PIKFYVE: variants seen among roughly 807,000 people sequenced by gnomAD.
PIKFYVE encodes 1-phosphatidylinositol 3-phosphate 5-kinase.
PIKFYVE carries 122 observed loss-of-function variants against 257.9 expected under a neutral mutation model. The observed-to-expected ratio is 0.47, with a 90% confidence interval of 0.41 to 0.55. The LOEUF (loss-of-function observed/expected upper bound fraction) is 0.55, where lower values mean the gene tolerates loss of function less well. Among genes scored for constraint, PIKFYVE ranks in the 20% least tolerant of loss-of-function variants. PIKFYVE has a pLI of 0.00. For synonymous variants in PIKFYVE, 892 were observed against 868.9 expected (o/e 1.03, Z -0.47); for missense variants, 2,160 against 2,536.6 (o/e 0.85, Z 3.19).
chr2:208,304,442 A>G (rs372320687), intron 11 of PIKFYVE, 124 bp downstream of exon 11: 12 of 1,262,940 alleles, frequency 9.5e-6, no homozygotes, highest in Admixed American at 3.7e-5. Flanking sequence ...AAATGGAAAC[A>G]TCTGATAGCA....
chr2:208,269,917 A>C, intron 1 of PIKFYVE: 1 of 267,660 alleles, frequency 3.7e-6, no homozygotes, highest in Non-Finnish European at 7.6e-6. Flanking sequence ...TTGGAGATGG[A>C]GGGCCCTGCT....
chr2:208,290,683 G>A (rs934567841), intron 7 of PIKFYVE, among the ~76,000 whole-genome samples: 2 of 152,130 alleles, frequency 1.3e-5, no homozygotes, highest in African/African-American at 4.8e-5. Flanking sequence ...ATTTTGTGAG[G>A]CACTGCTAGA....
chr2:208,266,207 G>T, upstream of PIKFYVE: 1 of 149,776 alleles, frequency 6.7e-6, no homozygotes, highest in Non-Finnish European at 1.5e-5. Context: ...GAAAGATTTC[G>T]GACTGGGGGA....
intron 15 of PIKFYVE, among the ~76,000 whole-genome samples, chr2:208,315,618 G>A (rs1695416607): frequency 6.6e-6 from 1 of 152,164 alleles, no homozygotes; most frequent in Non-Finnish European, 1.5e-5. Context: ...AACAGAGATA[G>A]GTTCTTCCTT....
chr2:208,308,412 A>G (rs10208996), intron 12 of PIKFYVE, among the ~76,000 whole-genome samples: 16 of 146,924 alleles, frequency 1.1e-4, no homozygotes, highest in Non-Finnish European at 2.0e-4. Context: ...AAAAAAAAAG[A>G]AAAAAAATTC....
chr2:208,285,964 A>C (rs1440671467), intron 6 of PIKFYVE, 31 bp downstream of exon 6: 1 of 1,592,174 alleles, frequency 6.3e-7, no homozygotes, highest in Non-Finnish European at 8.6e-7. Flanking sequence ...TTTTATTTAG[A>C]GTTGAAAAAT....
intron 9 of PIKFYVE, 26 bp from the exon 10 acceptor site, chr2:208,302,214 CTT>C (rs765365052): frequency 4.4e-5 from 71 of 1,601,530 alleles, no homozygotes; most frequent in Middle Eastern, 1.7e-4. Flanking sequence ...ACTTTTAAAA[CTT>C]TTCATTTTTG....
intron 18 of PIKFYVE, 23 bp downstream of exon 18, chr2:208,324,305 T>A: frequency 6.2e-7 from 1 of 1,609,728 alleles, no homozygotes; most frequent in Non-Finnish European, 8.5e-7. Context: ...AATTTTCTAT[T>A]GTATTTTAAA....
chr2:208,348,031 A>G lies in PIKFYVE; in HGVS notation c.5374+8A>G. Reference sequence around the variant, plus strand: ...AAGGCGTTGAGCCTCAAGGTGTGTTAAAGAAGAGTAAATGTGCTTATTCTA... The same window carrying G: ...AAGGCGTTGAGCCTCAAGGTGTGTTGAAGAAGAGTAAATGTGCTTATTCTA... On this transcript the variant is annotated splice_region_variant and intron_variant, in intron 35 of 41. Coordinates refer to ENST00000264380, the MANE Select transcript of PIKFYVE (RefSeq NM_015040.4). The G allele has an allele frequency of 3.1e-6, 5 of 1,613,800 alleles. No individual in the cohort carries two copies. The highest frequency in any genetic ancestry group is 4.2e-6 in the Non-Finnish European group (5 of 1,179,698).
At chr2:208,340,509 T>A (rs1365498975) in intron 31 of PIKFYVE, among the ~76,000 whole-genome samples, 1 of 152,216 alleles carries the variant, frequency 6.6e-6, no homozygotes. Flanking sequence ...CTAGCACTGA[T>A]GATGAACTAC....
rs1007704353 is a variant in PIKFYVE, at chr2:208,357,887, T to G, written c.*2582T>G. On this transcript the variant is annotated 3_prime_UTR_variant, in exon 42 of 42. Transcript: ENST00000264380. ...TTGATAGTAGCAAGAGAAAACTATG[T>G]CAGTAACATGTTGCTTTGTATAAAA... The G allele has an allele frequency of 4.6e-5, 7 of 152,216 alleles. No homozygotes were observed. The highest frequency in any genetic ancestry group is 8.8e-5 in the Non-Finnish European group (6 of 68,046). 9.4% of individuals were successfully genotyped at this position (152,216 alleles called of 1,614,324 possible). A position where few individuals can be genotyped will look rare whatever the true frequency, so the allele number is the denominator to read the frequency against.
At chr2:208,271,446 G>A in intron 1 of PIKFYVE, 65 bp from the exon 2 acceptor site, 2 of 1,468,486 alleles carry the variant, frequency 1.4e-6, no homozygotes, top group Non-Finnish European at 1.9e-6. Context: ...TTTCGATGCT[G>A]TTTGGAATCA....
chr2:208,315,859 T>A (rs6724309), intron 15 of PIKFYVE, among the ~76,000 whole-genome samples: 8 of 150,024 alleles, frequency 5.3e-5, no homozygotes, highest in Admixed American at 2.6e-4. Flanking sequence ...TTTAACTTTT[T>A]TATGTCTCTT....
intron 20 of PIKFYVE, among the ~76,000 whole-genome samples, chr2:208,327,288 G>A (rs1269305824): frequency 6.6e-6 from 1 of 152,158 alleles, no homozygotes; most frequent in African/African-American, 2.4e-5. Flanking sequence ...TGATAGGAAA[G>A]TCTCCATTAA....
In PIKFYVE at chr2:208,324,128, TTTATC is replaced by T. The variant is rs573715666; in HGVS notation, c.2191-10_2191-6del. 156 of 1,610,892 alleles carry T rather than the reference TTTATC, an allele frequency of 9.7e-5. No homozygotes were observed. The African/African-American group carries it at 1.8e-3, about 19-fold the overall frequency. On this transcript the variant is annotated splice_polypyrimidine_tract_variant and intron_variant, in intron 17 of 41. Transcript: ENST00000264380. ...ATTTTACCAGGTGTAATATTTCTGA[TTTATC>T]TTACTTAGGAAAGGGAATTCTTGAA...
chr2:208,321,345 C>G (rs1696180207), intron 17 of PIKFYVE, among the ~76,000 whole-genome samples: 1 of 152,004 alleles, frequency 6.6e-6, no homozygotes, highest in African/African-American at 2.4e-5. Flanking sequence ...GGAGCAATCA[C>G]TTTTGTACTG....
chr2:208,304,576 A>G (rs1410401711), intron 11 of PIKFYVE, among the ~76,000 whole-genome samples: 1 of 152,186 alleles, frequency 6.6e-6, no homozygotes, highest in African/African-American at 2.4e-5. Flanking sequence ...GCAGCAGACA[A>G]CTTTCTCATC....
At chr2:208,281,216 A>C (rs1433165339) in intron 5 of PIKFYVE, among the ~76,000 whole-genome samples, 3 of 152,214 alleles carry the variant, frequency 2.0e-5, no homozygotes, top group Non-Finnish European at 4.4e-5. Context: ...CTTCTTCTAT[A>C]ATATAATAGG....
chr2:208,325,433 G>T lies in PIKFYVE; in HGVS notation c.2622G>T (p.Met874Ile). Residue 874 changes from methionine (M) to isoleucine (I), a missense_variant, in exon 20 of 42, where the codon ATG becomes ATT. Physicochemically the swap from Met to Ile is conservative, Grantham distance 10 (BLOSUM62 1). Around this residue, in one of 12 missense-constraint regions of PIKFYVE, gnomAD observed 522 missense variants for 514.6 expected, o/e 1.01. Transcript: ENST00000264380. ...CTCAACTAGAAATATCCTTTCTCATGGATGAATTTGCTATGCCTCCCACAT... is the reference window on the plus strand; with the variant it reads ...CTCAACTAGAAATATCCTTTCTCATTGATGAATTTGCTATGCCTCCCACAT... Reference protein sequence around the residue: ...YHSQLEISFLMDEFAMPPTLM... With the variant: ...YHSQLEISFLIDEFAMPPTLM... 6.2e-7 allele frequency: 1 copy of T among 1,614,098 alleles called. No homozygotes were observed. Among genetic ancestry groups the T allele is most frequent in the Non-Finnish European group, 8.5e-7 (1 of 1,180,000 alleles).
Sources: gnomAD v4.1 joint callset for allele counts (sites outside exome capture counted in the v4.1 genomes callset) on GRCh38, gnomAD v4.1.1 for gene constraint, gnomAD v4.1.1 regional missense constraint, MANE v1.5 for transcripts, NCBI Gene and HGNC (gene_info 2026-07-23, HGNC 2026-07-21) for gene names.